The following WSCD1 variants were observed in gnomAD, a reference collection of about 807,000 sequenced individuals.
WSCD1 encodes the protein WSC domain sialate O sulfotransferase 1, also known as sialate:O-sulfotransferase 1.
In WSCD1, 41 loss-of-function variants were observed where a neutral mutation model predicts 60.4. The observed-to-expected ratio is 0.68, with a 90% confidence interval of 0.53 to 0.88. The LOEUF is 0.88. WSCD1 is among the 40% of genes least tolerant of loss of function. The probability of loss-of-function intolerance (pLI) is 0.00; values close to 1 mark genes in which losing one functional copy is unlikely to be tolerated. For synonymous variants in WSCD1, 361 were observed against 332.5 expected (o/e 1.09, Z -0.93); for missense variants, 784 against 796.2 (o/e 0.98, Z 0.18).
chr17:6,110,980 C>T lies in WSCD1; in HGVS notation c.1174+45C>T. 6.4e-7 allele frequency: 1 copy of T among 1,551,370 alleles called. No homozygotes were observed. The highest frequency in any genetic ancestry group is 8.7e-7 in the Non-Finnish European group (1 of 1,143,700). On this transcript the variant is annotated intron_variant, in intron 7 of 8. Transcript: ENST00000317744. The surrounding 1 kb of genome is among the most constrained non-coding windows in gnomAD (Gnocchi z 4.8). ...GACGATGGAAGGCAGCTCCCGGTGACCAAACTGTCACCTTGCCAGCCAAGC... is the reference window on the plus strand; with the variant it reads ...GACGATGGAAGGCAGCTCCCGGTGATCAAACTGTCACCTTGCCAGCCAAGC...
chr17:6,097,170 C>T (rs916555901), intron 5 of WSCD1, among the ~76,000 whole-genome samples: 3 of 152,258 alleles, frequency 2.0e-5, no homozygotes, highest in Admixed American at 2.0e-4. Context: ...TGGTTTTACA[C>T]ACTGCTGCCA....
chr17:6,106,326 T>A (rs1050714791), intron 5 of WSCD1, among the ~76,000 whole-genome samples: 3 of 152,222 alleles, frequency 2.0e-5, no homozygotes, highest in Admixed American at 6.5e-5. Context: ...GGAGCATTAT[T>A]CACAATAGCT....
Position 6,110,850 on chromosome 17 carries a change from G to GA in WSCD1, c.1091dup (p.Asn364LysfsTer9). ...CTTTGTCAAGCTTCCCAGGAGCCGGGAACACATGGGCACGGCACCTCATTG... is the reference window on the plus strand; with the variant it reads ...CTTTGTCAAGCTTCCCAGGAGCCGGGAAACACATGGGCACGGCACCTCATTG... On this transcript the variant is annotated frameshift_variant, in exon 7 of 9. Transcript: ENST00000317744. LOFTEE classifies it high-confidence loss of function. This position sits in a 1 kb window ranked among gnomAD's most constrained non-coding sequence, Gnocchi z 4.8. The GA allele has an allele frequency of 6.2e-7, 1 of 1,613,960 alleles. No homozygotes were observed.
rs751251168 is a variant in WSCD1 at position 6,123,765 on chromosome 17, A to T, written c.*3104A>T. On this transcript the variant is annotated 3_prime_UTR_variant, in exon 9 of 9. Transcript: ENST00000317744. ...TTCGTCTGACTTCCTATTTATCACC[A>T]CTCAATATTGGGTGAGTTGGTCTGA... is the stretch of plus-strand genomic sequence containing the variant. 6.6e-5 allele frequency: 10 copies of T among 152,144 alleles called. No individual in the cohort carries two copies. Among genetic ancestry groups the T allele is most frequent in the Non-Finnish European group, 1.2e-4 (8 of 68,046 alleles). 9.4% of individuals were successfully genotyped at this position (152,144 alleles called of 1,614,324 possible).
At chr17:6,083,445 G>T (rs118091466) in intron 2 of WSCD1, among the ~76,000 whole-genome samples, 6 of 152,326 alleles carry the variant, frequency 3.9e-5, no homozygotes, top group African/African-American at 7.2e-5. Context: ...CTAGAGGCAC[G>T]TGCGAAGTGG....
Position 6,117,998 on chromosome 17 carries a change from C to G in WSCD1, c.1185C>G (p.Gly395=), listed in dbSNP as rs376144707. 3.7e-6 allele frequency: 6 copies of G among 1,613,638 alleles called. No individual in the cohort carries two copies. In the East Asian group the frequency reaches 1.1e-4, roughly 30 times the overall value. Residue 395 remains glycine, a synonymous_variant, in exon 8 of 9, where the codon GGC becomes GGG. Transcript: ENST00000317744. ...DGTLYNKGFK[G]EKDHWRSRRT... ...CATTTTTCCCTGCAGGGTTCAAGGG[C>G]GAAAAGGACCACTGGCGGAGCCGAC...
chr17:6,090,352 G>T lies in WSCD1; in HGVS notation c.574G>T (p.Ala192Ser), dbSNP rs1235556389. ...SYVYAGLEAGAECYCGNRLPA... is the reference protein window; with the variant it reads ...SYVYAGLEAGSECYCGNRLPA... ...TGTCTACGCCGGCTTGGAGGCCGGG[G>T]CGGAGTGTTACTGCGGGAACCGGCT... The change falls in exon 4 of 9, where the codon GCG (alanine) becomes TCG (serine). Residue 192 changes from alanine to serine, a missense_variant. Transcript: ENST00000317744. 6 of 1,607,520 alleles carry T rather than the reference G, an allele frequency of 3.7e-6. No homozygotes were observed. The Admixed American group carries it at 1.0e-4, about 27-fold the overall frequency.
At chr17:6,090,221 C>A in intron 3 of WSCD1, 100 bp from the exon 4 acceptor site, 2 of 1,144,368 alleles carry the variant, frequency 1.7e-6, no homozygotes, top group Non-Finnish European at 2.4e-6. Flanking sequence ...AAAAAAAAAA[C>A]ATACTTTCTA....
chr17:6,104,853 A>T (rs1203618418), intron 5 of WSCD1, among the ~76,000 whole-genome samples: 1 of 152,002 alleles, frequency 6.6e-6, no homozygotes, highest in African/African-American at 2.4e-5. Flanking sequence ...TTTCCCACTC[A>T]CCTGGCAGGC....
At chr17:6,094,499 G>A (rs2150549574) in intron 4 of WSCD1, among the ~76,000 whole-genome samples, 1 of 152,024 alleles carries the variant, frequency 6.6e-6, no homozygotes, top group Middle Eastern at 3.4e-3. Context: ...ACCATGGGAG[G>A]AATCTGGCAC....
upstream of WSCD1, chr17:6,069,202 C>G: frequency 5.0e-6 from 2 of 398,732 alleles, no homozygotes; most frequent in Non-Finnish European, 8.8e-6. Flanking sequence ...TAGCAGCCAG[C>G]TCCGGGTGAG....
chr17:6,084,715 A>G (rs962235433), intron 2 of WSCD1: 11 of 152,196 alleles, frequency 7.2e-5, no homozygotes, highest in African/African-American at 2.7e-4. Flanking sequence ...GCCTCACGGT[A>G]TGTCCATTTT....
At position 6,122,904 on chromosome 17, in the gene WSCD1, A is replaced by G. The variant is rs1725040803; in HGVS notation, c.*2243A>G. 6.6e-6 allele frequency: 1 copy of G among 152,276 alleles called. No homozygotes were observed. The highest frequency in any genetic ancestry group is 2.1e-4 in the South Asian group (1 of 4,830). The allele number at this position is 152,276 out of a possible 1,614,324, so 9.4% of individuals were successfully genotyped here. A position where few individuals can be genotyped will look rare whatever the true frequency, so the allele number is the denominator to read the frequency against. Reference sequence around the variant, plus strand: ...CAGTTTACGCTGAGTCAGTCCATACAGCAAGACACCTGGCACTTGGCAGGT... The same window carrying G: ...CAGTTTACGCTGAGTCAGTCCATACGGCAAGACACCTGGCACTTGGCAGGT... On this transcript the variant is annotated 3_prime_UTR_variant, in exon 9 of 9. Transcript: ENST00000317744.
chr17:6,088,949 A>AT (rs1461478584), intron 3 of WSCD1, among the ~76,000 whole-genome samples: 1 of 150,994 alleles, frequency 6.6e-6, no homozygotes, highest in African/African-American at 2.4e-5. Flanking sequence ...CGCCCGGCTA[A>AT]TTTTTTGTAT....
intron 1 of WSCD1, among the ~76,000 whole-genome samples, chr17:6,072,897 G>A (rs1908629284): frequency 6.6e-6 from 1 of 152,194 alleles, no homozygotes. Flanking sequence ...TGGTGTGGAT[G>A]TGAGAAGTGG....
intron 5 of WSCD1, among the ~76,000 whole-genome samples, chr17:6,105,931 A>ACT (rs1911063191): frequency 6.6e-6 from 1 of 152,210 alleles, no homozygotes; most frequent in African/African-American, 2.4e-5. Context: ...CCTGTGGTGC[A>ACT]GTTAACCCAA....
chr17:6,085,824 A>G (rs967215039), intron 2 of WSCD1, among the ~76,000 whole-genome samples: 15 of 152,224 alleles, frequency 9.9e-5, no homozygotes, highest in African/African-American at 3.6e-4. Context: ...AGGCAGGCAG[A>G]GGAGAAGGAT....
intron 5 of WSCD1, among the ~76,000 whole-genome samples, chr17:6,104,105 G>A (rs754555598): frequency 6.6e-6 from 1 of 152,124 alleles, no homozygotes; most frequent in Non-Finnish European, 1.5e-5. Context: ...AAGGTGAAGG[G>A]GGAGCCAGCA....
intron 4 of WSCD1, among the ~76,000 whole-genome samples, chr17:6,092,386 G>A (rs1206063553): frequency 6.6e-6 from 1 of 152,100 alleles, no homozygotes; most frequent in African/African-American, 2.4e-5. Flanking sequence ...CTTGCATTCA[G>A]ACAGGATGTG....
Sources: gnomAD v4.1 joint callset for allele counts (sites outside exome capture counted in the v4.1 genomes callset) on GRCh38, gnomAD v4.1.1 for gene constraint, Gnocchi (gnomAD v3.1) non-coding constraint, MANE v1.5 for transcripts, NCBI Gene and HGNC (gene_info 2026-07-23, HGNC 2026-07-21) for gene names.